ROBO2: variants seen among roughly 807,000 people sequenced by gnomAD.
ROBO2 encodes roundabout homolog 2.
A neutral mutation model predicts 160.8 loss-of-function variants in ROBO2; 53 were observed. That is an observed-to-expected ratio of 0.33 (90% CI 0.26 to 0.41). The LOEUF (loss-of-function observed/expected upper bound fraction) is 0.41, where lower values mean the gene tolerates loss of function less well. ROBO2 is among the 10% of genes least tolerant of loss of function. ROBO2 has a pLI of 1.00. For missense variants in ROBO2, 1,577 were observed against 1,722.4 expected (o/e 0.92, Z 1.49); for synonymous variants, 664 against 611.7 (o/e 1.09, Z -1.26).
intron 2 of ROBO2, among the ~76,000 whole-genome samples, chr3:76,901,194 C>A (rs1343445836): frequency 6.6e-6 from 1 of 151,274 alleles, no homozygotes; most frequent in African/African-American, 2.5e-5. Flanking sequence ...GTATTCTCTG[C>A]CACTTTTCCT....
chr3:76,337,779 T>C (rs994743315), intron 2 of ROBO2, among the ~76,000 whole-genome samples: 1 of 152,160 alleles, frequency 6.6e-6, no homozygotes, highest in Non-Finnish European at 1.5e-5. Context: ...AGAATGAAAT[T>C]GGGATTTGAA....
At chr3:76,175,082 C>T (rs1010644344) in intron 2 of ROBO2, among the ~76,000 whole-genome samples, 31 of 151,786 alleles carry the variant, frequency 2.0e-4, no homozygotes, top group African/African-American at 7.5e-4. Flanking sequence ...CCTTCATGTC[C>T]CTTGTAAGTT....
intron 2 of ROBO2, among the ~76,000 whole-genome samples, chr3:75,940,245 A>G (rs570875730): frequency 1.3e-5 from 2 of 152,196 alleles, no homozygotes; most frequent in Non-Finnish European, 2.9e-5. Flanking sequence ...AGGAATGTAG[A>G]TTAATATCAT....
At chr3:76,091,634 A>C in intron 2 of ROBO2, among the ~76,000 whole-genome samples, 1 of 152,248 alleles carries the variant, frequency 6.6e-6, no homozygotes, top group East Asian at 1.9e-4. Flanking sequence ...ATGAATGTTT[A>C]TGGCAGCTTC....
intron 2 of ROBO2, among the ~76,000 whole-genome samples, chr3:76,321,990 C>T (rs1341481612): frequency 6.6e-6 from 1 of 151,680 alleles, no homozygotes; most frequent in Non-Finnish European, 1.5e-5. Context: ...CACACAGAAT[C>T]ATGTGCTAGA....
rs150916374 is a variant in ROBO2, at chr3:76,738,645, T to A, written c.110-359369T>A. On this transcript the variant is annotated intron_variant, in intron 2 of 26. Transcript: ENST00000487694. The stretch of plus-strand genomic sequence containing the variant: ...CTCTTCGAACACGGTAAGATGGAAG[T>A]CATTGATGACTTTGATAAACACAGT... 6.5e-3 allele frequency among the ~76,000 whole-genome samples: 989 copies of A among 152,252 alleles called. 6 individuals carry two copies. Among genetic ancestry groups the A allele is most frequent in the Middle Eastern group, 0.024 (7 of 294 alleles).
intron 2 of ROBO2, among the ~76,000 whole-genome samples, chr3:76,355,589 C>T (rs998224765): frequency 3.3e-5 from 5 of 151,678 alleles, no homozygotes; most frequent in African/African-American, 7.3e-5. Context: ...TTAAAATTCA[C>T]GGATAATAAG....
At chr3:77,503,478 C>T (rs1439651133) in intron 5 of ROBO2, among the ~76,000 whole-genome samples, 2 of 150,494 alleles carry the variant, frequency 1.3e-5, no homozygotes, top group East Asian at 1.9e-4. Context: ...GAGCCAAGAT[C>T]GCGCCACTGC....
chr3:76,032,322 G>A (rs1309280590), intron 2 of ROBO2, among the ~76,000 whole-genome samples: 3 of 151,994 alleles, frequency 2.0e-5, no homozygotes, highest in Admixed American at 2.0e-4. Context: ...TGGATTCATT[G>A]ATTTTTTGAG....
At chr3:76,284,471 T>A (rs2107680505) in intron 2 of ROBO2, among the ~76,000 whole-genome samples, 1 of 152,200 alleles carries the variant, frequency 6.6e-6, no homozygotes, top group South Asian at 2.1e-4. Flanking sequence ...TTGTCTTATT[T>A]CAGTGTATAT....
intron 2 of ROBO2, among the ~76,000 whole-genome samples, chr3:76,415,633 A>G (rs2075724318): frequency 6.6e-6 from 1 of 152,174 alleles, no homozygotes; most frequent in Non-Finnish European, 1.5e-5. Flanking sequence ...ATCAGTGTAA[A>G]CTTTGAAAAT....
chr3:77,569,792 T>C (rs903039259), intron 13 of ROBO2, among the ~76,000 whole-genome samples: 3 of 151,966 alleles, frequency 2.0e-5, no homozygotes, highest in Non-Finnish European at 4.4e-5. Context: ...AACTACATAA[T>C]CAGTCAAATT....
chr3:77,372,006 C>T (rs2071826140), intron 2 of ROBO2, among the ~76,000 whole-genome samples: 1 of 152,148 alleles, frequency 6.6e-6, no homozygotes, highest in African/African-American at 2.4e-5. Flanking sequence ...ATAACTGGAA[C>T]ATTCCACCTT....
chr3:76,674,963 C>A (rs1188134203), intron 2 of ROBO2, among the ~76,000 whole-genome samples: 2 of 151,944 alleles, frequency 1.3e-5, no homozygotes, highest in African/African-American at 4.8e-5. Flanking sequence ...AAAAAGAAAC[C>A]TTTGTGTTGT....
chr3:76,962,342 A>G (rs760494529), intron 2 of ROBO2, among the ~76,000 whole-genome samples: 3 of 151,802 alleles, frequency 2.0e-5, no homozygotes, highest in Non-Finnish European at 2.9e-5. Flanking sequence ...AAAAAAACAA[A>G]CAAACAAACA....
chr3:76,783,209 T>TG (rs2062761879), intron 2 of ROBO2, among the ~76,000 whole-genome samples: 5 of 150,950 alleles, frequency 3.3e-5, no homozygotes, highest in African/African-American at 1.2e-4. Context: ...TACAACTTTT[T>TG]ATATGGTGTA....
intron 1 of ROBO2, among the ~76,000 whole-genome samples, chr3:77,063,615 C>T (rs2066538036): frequency 6.6e-6 from 1 of 152,184 alleles, no homozygotes. Flanking sequence ...TTATGACTCA[C>T]ACTTACGTTA....
rs140764047 is a variant in ROBO2 at position 76,970,968 on chromosome 3, G to A, written c.110-127046G>A. On this transcript the variant is annotated intron_variant, in intron 2 of 26. Coordinates refer to the ROBO2 transcript ENST00000487694. ...TAAAATTGAGTTGGATAAGAACTAA[G>A]GAGCTTCGATTAATATTACATATTT... Among the ~76,000 whole-genome samples, 216 of 152,176 alleles carry A rather than the reference G, an allele frequency of 1.4e-3. 1 individual carries two copies. Among genetic ancestry groups the A allele is most frequent in the African/African-American group, 4.9e-3 (204 of 41,540 alleles).
chr3:77,331,432 G>A lies in ROBO2; in HGVS notation c.389-145982G>A, dbSNP rs150689444. Reference sequence around the variant, plus strand: ...GGGTAGACTGAAAAACAATAAAGCTGGGTATTTTCTTGGATATGGTTTATG... The same window carrying A: ...GGGTAGACTGAAAAACAATAAAGCTAGGTATTTTCTTGGATATGGTTTATG... On this transcript the variant is annotated intron_variant, in intron 2 of 25. Transcript: ENST00000461745. Among the ~76,000 whole-genome samples, 41 of 152,138 alleles carry A rather than the reference G, an allele frequency of 2.7e-4. No individual in the cohort carries two copies. In the East Asian group the frequency reaches 5.6e-3, roughly 21 times the overall value.
Sources: gnomAD v4.1 joint callset for allele counts (sites outside exome capture counted in the v4.1 genomes callset) on GRCh38, gnomAD v4.1.1 for gene constraint, MANE v1.5 for transcripts, NCBI Gene and HGNC (gene_info 2026-07-23, HGNC 2026-07-21) for gene names.